The following MMP16 variants were observed in gnomAD, a reference collection of about 807,000 sequenced individuals.
The protein encoded by MMP16 is matrix metallopeptidase 16.
In MMP16, 12 loss-of-function variants were observed where a neutral mutation model predicts 67.8. The observed-to-expected ratio is 0.18, with a 90% CI of 0.11 to 0.29. The LOEUF (loss-of-function observed/expected upper bound fraction) is 0.29, where lower values mean the gene tolerates loss of function less well. Ranked by LOEUF, MMP16 falls within the 10% of genes least tolerant of loss-of-function variation. The pLI is 1.00. For missense variants in MMP16, 475 were observed against 765.7 expected (o/e 0.62, Z 4.48); for synonymous variants, 249 against 255.9 (o/e 0.97, Z 0.26).
At chr8:88,288,385 C>T (rs1197187509) in intron 1 of MMP16, among the ~76,000 whole-genome samples, 2 of 151,876 alleles carry the variant, frequency 1.3e-5, no homozygotes, top group African/African-American at 4.8e-5. Context: ...ACCATAGGCA[C>T]CAGGTGCTAT....
At chr8:88,149,180 C>G (rs1191469690) in intron 4 of MMP16, among the ~76,000 whole-genome samples, 1 of 152,222 alleles carries the variant, frequency 6.6e-6, no homozygotes, top group Non-Finnish European at 1.5e-5. Flanking sequence ...CACCACGAAA[C>G]CATATCCCAC....
At chr8:88,322,058 T>C (rs1811468154) in intron 1 of MMP16, among the ~76,000 whole-genome samples, 1 of 152,174 alleles carries the variant, frequency 6.6e-6, no homozygotes. Flanking sequence ...TGAAAAACTT[T>C]TTTGTTGTTG....
intron 2 of MMP16, among the ~76,000 whole-genome samples, chr8:88,196,156 G>C (rs747222861): frequency 3.3e-5 from 5 of 152,176 alleles, no homozygotes; most frequent in Non-Finnish European, 7.4e-5. Flanking sequence ...TTGACATTTA[G>C]TTCCTCTATT....
intron 1 of MMP16, among the ~76,000 whole-genome samples, chr8:88,220,124 T>G (rs1465872660): frequency 1.3e-5 from 2 of 152,090 alleles, no homozygotes; most frequent in African/African-American, 4.8e-5. Context: ...AGAATCAGCT[T>G]TTAATATATA....
At chr8:88,312,401 T>C (rs1187124674) in intron 1 of MMP16, among the ~76,000 whole-genome samples, 3 of 152,190 alleles carry the variant, frequency 2.0e-5, no homozygotes, top group African/African-American at 4.8e-5. Context: ...GCAGTTATCA[T>C]TATTAGGTTG....
intron 4 of MMP16, among the ~76,000 whole-genome samples, chr8:88,129,476 A>G (rs1282776820): frequency 1.3e-5 from 2 of 151,676 alleles, no homozygotes; most frequent in African/African-American, 4.8e-5. Context: ...CAAGTATAGT[A>G]AAGAAGTGTG....
intron 1 of MMP16, among the ~76,000 whole-genome samples, chr8:88,239,148 A>C (rs1809992871): frequency 6.6e-6 from 1 of 151,904 alleles, no homozygotes; most frequent in East Asian, 1.9e-4. Context: ...ATGTGATTAC[A>C]AGCAGGCGTG....
intron 4 of MMP16, among the ~76,000 whole-genome samples, chr8:88,121,032 A>T (rs1807821013): frequency 6.6e-6 from 1 of 151,286 alleles, no homozygotes; most frequent in African/African-American, 2.4e-5. Flanking sequence ...TATTAAAGGT[A>T]CTTCAAACCT....
chr8:88,266,774 G>C (rs1024967591), intron 1 of MMP16, among the ~76,000 whole-genome samples: 1 of 152,140 alleles, frequency 6.6e-6, no homozygotes, highest in African/African-American at 2.4e-5. Flanking sequence ...GGAGGCCCTA[G>C]AGCATGAAAA....
chr8:88,075,957 ACACACACACACACACAC>A (rs1808643112), intron 6 of MMP16, among the ~76,000 whole-genome samples: 7 of 151,298 alleles, frequency 4.6e-5, no homozygotes, highest in African/African-American at 1.7e-4. Flanking sequence ...ACACACACAC[ACACACACACACACACAC>A]AAAATCTACT....
At chr8:88,324,909 C>T (rs1811514384) in intron 1 of MMP16, among the ~76,000 whole-genome samples, 1 of 151,930 alleles carries the variant, frequency 6.6e-6, no homozygotes, top group South Asian at 2.1e-4. Flanking sequence ...CTTATAAATC[C>T]AACCAAAATG....
chr8:88,228,637 T>C (rs956942704), intron 1 of MMP16, among the ~76,000 whole-genome samples: 2 of 152,182 alleles, frequency 1.3e-5, no homozygotes, highest in Non-Finnish European at 2.9e-5. Flanking sequence ...ACTTCACACA[T>C]CTGAGAGTCT....
At chr8:88,294,589 C>T (rs1810984119) in intron 1 of MMP16, among the ~76,000 whole-genome samples, 1 of 151,798 alleles carries the variant, frequency 6.6e-6, no homozygotes, top group African/African-American at 2.4e-5. Context: ...TGTCTCTATA[C>T]ACACATACAT....
At chr8:88,112,953 G>A (rs181485595) in intron 6 of MMP16, among the ~76,000 whole-genome samples, 68 of 151,658 alleles carry the variant, frequency 4.5e-4, no homozygotes, top group Admixed American at 1.6e-3. Flanking sequence ...CAGAATTTAC[G>A]TAAATAATAC....
intron 6 of MMP16, among the ~76,000 whole-genome samples, chr8:88,111,350 A>G (rs1488039257): frequency 4.6e-5 from 7 of 151,736 alleles, no homozygotes; most frequent in Non-Finnish European, 1.0e-4. Flanking sequence ...GTCTGGACAG[A>G]AATAAAGACT....
chr8:88,173,947 T>C (rs1419524375), intron 3 of MMP16, among the ~76,000 whole-genome samples: 2 of 152,210 alleles, frequency 1.3e-5, no homozygotes, highest in East Asian at 3.8e-4. Context: ...ATGTATTCTC[T>C]GGAAACACAA....
intron 1 of MMP16, among the ~76,000 whole-genome samples, chr8:88,218,950 T>A (rs1258128467): frequency 6.6e-6 from 1 of 152,050 alleles, no homozygotes; most frequent in Non-Finnish European, 1.5e-5. Context: ...ATCAAATCCC[T>A]AAGTATTAAT....
intron 4 of MMP16, among the ~76,000 whole-genome samples, chr8:88,163,427 G>C (rs532085468): frequency 9.2e-5 from 14 of 151,720 alleles, no homozygotes; most frequent in Non-Finnish European, 2.1e-4. Context: ...TAACCTTCCT[G>C]GTTATCTCCT....
At position 88,041,267 on chromosome 8, in the gene MMP16, GCAT is replaced by G; in HGVS notation, c.*191_*193del. On this transcript the variant is annotated 3_prime_UTR_variant, in exon 10 of 10. Coordinates refer to ENST00000286614, the MANE Select transcript of MMP16 (RefSeq NM_005941.5). The surrounding 1 kb of genome is among the most constrained non-coding windows in gnomAD (Gnocchi z 6.0). The stretch of plus-strand genomic sequence containing the variant: ...AGGACTGAAGAACAGCAGATACTGT[GCAT>G]CATGGAAGCTTCCCCATGAGTGTAT... 1 of 582,176 alleles carries G rather than the reference GCAT, an allele frequency of 1.7e-6. No individual in the cohort carries two copies. The allele number at this position is 582,176 out of a possible 1,614,324, so 36.1% of individuals were successfully genotyped here. A position where few individuals can be genotyped will look rare whatever the true frequency, so the allele number is the denominator to read the frequency against.
Sources: gnomAD v4.1 joint callset for allele counts (sites outside exome capture counted in the v4.1 genomes callset) on GRCh38, gnomAD v4.1.1 for gene constraint, Gnocchi (gnomAD v3.1) non-coding constraint, MANE v1.5 for transcripts, NCBI Gene and HGNC (gene_info 2026-07-23, HGNC 2026-07-21) for gene names.